The following MFHAS1 variants were observed in gnomAD, a reference collection of about 807,000 sequenced individuals.
MFHAS1 encodes the protein malignant fibrous histiocytoma-amplified sequence 1.
MFHAS1 carries 50 observed loss-of-function variants against 70.4 expected under a neutral mutation model. The observed-to-expected ratio is 0.71, with a 90% confidence interval of 0.57 to 0.90. The LOEUF (loss-of-function observed/expected upper bound fraction) is 0.90, where lower values mean the gene tolerates loss of function less well. Among genes scored for constraint, MFHAS1 ranks in the 40% least tolerant of loss-of-function variants. The pLI is 0.00. For missense variants in MFHAS1, 1,795 were observed against 1,347.6 expected (o/e 1.33, Z -5.20); for synonymous variants, 952 against 620.0 (o/e 1.54, Z -7.96).
chr8:8,791,557 C>A (rs745815168), intron 2 of MFHAS1, among the ~76,000 whole-genome samples: 1 of 152,158 alleles, frequency 6.6e-6, no homozygotes, highest in East Asian at 1.9e-4. Context: ...AGAAATGAAA[C>A]GCAACCAGCA....
intron 1 of MFHAS1, among the ~76,000 whole-genome samples, chr8:8,809,441 C>G (rs1163083346): frequency 2.0e-5 from 3 of 152,050 alleles, no homozygotes; most frequent in African/African-American, 7.2e-5. Flanking sequence ...AAAATGTGCA[C>G]AAGGACTTAC....
chr8:8,863,478 A>G (rs1041566980), intron 1 of MFHAS1, among the ~76,000 whole-genome samples: 1 of 152,116 alleles, frequency 6.6e-6, no homozygotes, highest in African/African-American at 2.4e-5. Flanking sequence ...TGCCCAGTTG[A>G]CCTCATCCAG....
intron 1 of MFHAS1, among the ~76,000 whole-genome samples, chr8:8,843,067 C>T (rs887371831): frequency 2.9e-4 from 44 of 151,322 alleles, no homozygotes; most frequent in South Asian, 1.1e-3. Flanking sequence ...AGATCGAGAC[C>T]ATCCTGGCTA....
At chr8:8,839,853 G>A (rs1377872437) in intron 1 of MFHAS1, among the ~76,000 whole-genome samples, 2 of 152,032 alleles carry the variant, frequency 1.3e-5, no homozygotes, top group Admixed American at 6.6e-5. Context: ...GTATTACAGT[G>A]GAAGATCCAG....
At position 8,890,583 on chromosome 8, in the gene MFHAS1, TCTCCAGCAG is replaced by T; in HGVS notation, c.2467_2475del (p.Leu823_Glu825del). The T allele has an allele frequency of 6.2e-7, 1 of 1,613,784 alleles. No homozygotes were observed. The highest frequency in any genetic ancestry group is 8.5e-7 in the Non-Finnish European group (1 of 1,180,036). ...TTGAGGCAGTAACAGAGTCCCATCT[TCTCCAGCAG>T]CTCCAGCAACAGCTGCAAGTCCTGC... is the stretch of plus-strand genomic sequence containing the variant. On this transcript the variant is annotated inframe_deletion, in exon 1 of 3. Coordinates refer to ENST00000276282, the MANE Select transcript of MFHAS1 (RefSeq NM_004225.3).
intron 1 of MFHAS1, among the ~76,000 whole-genome samples, chr8:8,822,630 G>C (rs550981790): frequency 6.7e-6 from 1 of 150,166 alleles, no homozygotes; most frequent in African/African-American, 2.5e-5. Context: ...CAAGTCAGGG[G>C]GACTGAGATG....
At chr8:8,833,097 G>T (rs192738685) in intron 1 of MFHAS1, among the ~76,000 whole-genome samples, 3 of 152,240 alleles carry the variant, frequency 2.0e-5, no homozygotes, top group African/African-American at 7.2e-5. Context: ...AGAAGGGAAG[G>T]TGCCACACAC....
At chr8:8,847,896 A>C (rs1808094088) in intron 1 of MFHAS1, among the ~76,000 whole-genome samples, 1 of 152,212 alleles carries the variant, frequency 6.6e-6, no homozygotes, top group Admixed American at 6.5e-5. Context: ...TTCACACCAC[A>C]GTTATGCTTT....
intron 1 of MFHAS1, among the ~76,000 whole-genome samples, chr8:8,800,579 G>A (rs932535762): frequency 5.3e-5 from 8 of 152,210 alleles, no homozygotes; most frequent in Middle Eastern, 3.4e-3. Flanking sequence ...GGACTCCAAC[G>A]AGAAGTTGCT....
intron 1 of MFHAS1, among the ~76,000 whole-genome samples, chr8:8,808,292 T>C (rs9644776): frequency 0.44 from 56,997 of 129,672 alleles, 14,895 homozygotes; most frequent in East Asian, 0.83. Context: ...CTGCCCAGTG[T>C]CCCCACACTG....
At chr8:8,843,140 G>C (rs955994498) in intron 1 of MFHAS1, among the ~76,000 whole-genome samples, 1 of 151,920 alleles carries the variant, frequency 6.6e-6, no homozygotes, top group Non-Finnish European at 1.5e-5. Flanking sequence ...GCGGTGGCGG[G>C]CGCCTGTAGT....
At position 8,891,219 on chromosome 8, in the gene MFHAS1, G is replaced by T. The variant is rs889320172; in HGVS notation, c.1840C>A (p.Leu614Ile). The T allele has an allele frequency of 5.0e-6, 8 of 1,612,624 alleles. No individual in the cohort carries two copies. The highest frequency in any genetic ancestry group is 1.1e-5 in the South Asian group (1 of 91,086). ...RRRKAHFQYL[L>I]NHRLQILSPV... is the part of the protein sequence containing the mutation. ...GAGAGGATCTGCAGCCGGTGGTTGA[G>T]CAGGTATTGAAAATGGGCCTTGCGC... Residue 614 changes from leucine (L) to isoleucine (I), a missense_variant, in exon 1 of 3, where the codon CTC becomes ATC. Transcript: ENST00000276282. The surrounding 1 kb of genome is among the most constrained non-coding windows in gnomAD (Gnocchi z 5.4).
chr8:8,805,908 G>C (rs560817690), intron 1 of MFHAS1, among the ~76,000 whole-genome samples: 23 of 151,798 alleles, frequency 1.5e-4, no homozygotes, highest in Admixed American at 3.9e-4. Context: ...ATGTTGGCCA[G>C]ACTGGTCTCT....
intron 1 of MFHAS1, among the ~76,000 whole-genome samples, chr8:8,828,737 T>G (rs1807256629): frequency 6.6e-6 from 1 of 152,236 alleles, no homozygotes; most frequent in African/African-American, 2.4e-5. Context: ...CACCTTTATC[T>G]GTGCAGTCCT....
At chr8:8,796,944 C>A (rs1001195707) in intron 2 of MFHAS1, among the ~76,000 whole-genome samples, 13 of 151,676 alleles carry the variant, frequency 8.6e-5, no homozygotes, top group Admixed American at 5.9e-4. Flanking sequence ...TGCAGTGAGC[C>A]GAGATCGCAC....
At chr8:8,850,300 G>A (rs1442999688) in intron 1 of MFHAS1, among the ~76,000 whole-genome samples, 1 of 152,144 alleles carries the variant, frequency 6.6e-6, no homozygotes, top group East Asian at 1.9e-4. Context: ...ACATGTCTGT[G>A]ACAATACACA....
At chr8:8,845,960 T>G (rs930982794) in intron 1 of MFHAS1, among the ~76,000 whole-genome samples, 2 of 151,708 alleles carry the variant, frequency 1.3e-5, no homozygotes, top group African/African-American at 4.8e-5. Flanking sequence ...TCCAAACAGA[T>G]CTAGAAAATG....
intron 1 of MFHAS1, among the ~76,000 whole-genome samples, chr8:8,848,867 G>A (rs1808133025): frequency 6.6e-6 from 1 of 152,062 alleles, no homozygotes; most frequent in Admixed American, 6.6e-5. Context: ...CAAAGCTGGT[G>A]TTTTTAAAAA....
At chr8:8,875,204 C>T (rs956960165) in intron 1 of MFHAS1, among the ~76,000 whole-genome samples, 4 of 152,128 alleles carry the variant, frequency 2.6e-5, no homozygotes, top group Admixed American at 6.5e-5. Context: ...CTCAATGACT[C>T]TACTTCGGGG....
Sources: allele counts gnomAD v4.1 joint callset (sites outside exome capture counted in the v4.1 genomes callset), GRCh38; gene constraint gnomAD v4.1.1; non-coding constraint Gnocchi (gnomAD v3.1); transcripts MANE v1.5; gene names NCBI Gene and HGNC (gene_info 2026-07-23, HGNC 2026-07-21).